Variants in ANGPT4 observed in about 807,000 individuals in gnomAD.
ANGPT4 encodes the protein angiopoietin-4.
Under a neutral mutation model 53.0 loss-of-function variants are expected in ANGPT4, and 50 were observed. The ratio of observed to expected loss-of-function variants is 0.94; its 90% confidence interval spans 0.75 to 1.20. ANGPT4 has a LOEUF of 1.20. Ranked by LOEUF, ANGPT4 falls within the 50% of genes most tolerant of loss-of-function variation. The pLI is 0.00. For synonymous variants in ANGPT4, 251 were observed against 259.7 expected, an observed-to-expected ratio of 0.97 and a Z score of 0.32; for missense variants, 648 against 637.1, an observed-to-expected ratio of 1.02 and a Z score of -0.18.
chr20:891,564 C>G (rs575141137), intron 1 of ANGPT4, among the ~76,000 whole-genome samples: 1 of 152,222 alleles, frequency 6.6e-6, no homozygotes, highest in Non-Finnish European at 1.5e-5. Flanking sequence ...CCATGCCCCC[C>G]ACCCCTGTCC....
At chr20:895,547 A>G (rs1264468071) in intron 1 of ANGPT4, among the ~76,000 whole-genome samples, 1 of 152,150 alleles carries the variant, frequency 6.6e-6, no homozygotes, top group East Asian at 1.9e-4. Flanking sequence ...AAATTTTCAC[A>G]GGCAGGGGCT....
intron 7 of ANGPT4, among the ~76,000 whole-genome samples, chr20:875,738 T>C (rs753216410): frequency 1.3e-5 from 2 of 152,190 alleles, no homozygotes; most frequent in Non-Finnish European, 2.9e-5. Context: ...GGCAGATGGC[T>C]GGGCCTGGTT....
At chr20:880,445 G>T (rs749450951) in intron 5 of ANGPT4, among the ~76,000 whole-genome samples, 6 of 152,110 alleles carry the variant, frequency 3.9e-5, no homozygotes, top group Non-Finnish European at 7.3e-5. Flanking sequence ...ATATTAGCCA[G>T]GCCATGGTGG....
rs1230184668 is a variant in ANGPT4 at position 890,247 on chromosome 20, G to A, written c.431C>T (p.Ala144Val). The A allele has an allele frequency of 1.9e-6, 3 of 1,613,964 alleles. No homozygotes were observed. The highest frequency in any genetic ancestry group is 2.5e-6 in the Non-Finnish European group (3 of 1,179,988). ...CATGTCGGTCAGCTTGCGGATCTGGGCAGTGGTCTGGTTCAGGAGGCTGGT... is the reference window on the plus strand; with the variant it reads ...CATGTCGGTCAGCTTGCGGATCTGGACAGTGGTCTGGTTCAGGAGGCTGGT... ...LGTSLLNQTT[A>V]QIRKLTDMEA... The change falls in exon 2 of 9, where the codon GCC becomes GTC. Residue 144 changes from alanine (A) to valine (V), a missense_variant. Physicochemically the swap from Ala to Val is moderately conservative, Grantham distance 64 (BLOSUM62 0). Coordinates refer to ENST00000381922, the MANE Select transcript of ANGPT4 (RefSeq NM_015985.4).
intron 4 of ANGPT4, among the ~76,000 whole-genome samples, chr20:883,059 C>A (rs770710081): frequency 1.3e-4 from 20 of 152,218 alleles, no homozygotes; most frequent in Non-Finnish European, 2.6e-4. Flanking sequence ...TGCATGAACT[C>A]ATCCGATTCT....
In ANGPT4 at chr20:892,090, C is replaced by G. The variant is rs117594569; in HGVS notation, c.310-1722G>C. On this transcript the variant is annotated intron_variant, in intron 1 of 8. Transcript: ENST00000381922. The stretch of plus-strand genomic sequence containing the variant: ...CTTTCCCTGCATCATCAGCCCACCC[C>G]CTCCCTGCAGCACACAAACATGCGC... 2.4e-3 allele frequency among the ~76,000 whole-genome samples: 365 copies of G among 151,956 alleles called. 1 individual carries two copies. Among genetic ancestry groups the G allele is most frequent in the Non-Finnish European group, 4.1e-3 (278 of 67,980 alleles).
At chr20:882,201 A>G (rs1465923482) in intron 4 of ANGPT4, among the ~76,000 whole-genome samples, 1 of 152,100 alleles carries the variant, frequency 6.6e-6, no homozygotes, top group Non-Finnish European at 1.5e-5. Context: ...AATGACTAAA[A>G]CCTACCAGGG....
At chr20:909,646 A>G (rs748390186) in intron 1 of ANGPT4, among the ~76,000 whole-genome samples, 131 of 152,292 alleles carry the variant, frequency 8.6e-4, no homozygotes, top group Non-Finnish European at 1.7e-3. Flanking sequence ...TAACCTGCAA[A>G]GTAGCTTCTG....
chr20:881,359 G>T, intron 4 of ANGPT4, 73 bp from the exon 5 acceptor site: 1 of 1,372,084 alleles, frequency 7.3e-7, no homozygotes, highest in Non-Finnish European at 1.0e-6. Context: ...GGGCATGCCT[G>T]CCTGCTTTGT....
At chr20:903,835 G>T (rs1225307977) in intron 1 of ANGPT4, among the ~76,000 whole-genome samples, 3 of 152,164 alleles carry the variant, frequency 2.0e-5, no homozygotes, top group Non-Finnish European at 4.4e-5. Flanking sequence ...ATGCCCCAGG[G>T]GTAGGAGCCC....
At chr20:894,240 AG>A (rs1981959456) in intron 1 of ANGPT4, among the ~76,000 whole-genome samples, 1 of 152,172 alleles carries the variant, frequency 6.6e-6, no homozygotes, top group Non-Finnish European at 1.5e-5. Flanking sequence ...CCGTGTTTAA[AG>A]GTGGATGCGG....
intron 1 of ANGPT4, among the ~76,000 whole-genome samples, chr20:897,304 G>A (rs1362053999): frequency 6.6e-6 from 1 of 152,146 alleles, no homozygotes; most frequent in Non-Finnish European, 1.5e-5. Flanking sequence ...ATTCCATGAG[G>A]AGATCCACCT....
At chr20:893,228 T>A (rs1016560627) in intron 1 of ANGPT4, among the ~76,000 whole-genome samples, 1 of 152,214 alleles carries the variant, frequency 6.6e-6, no homozygotes, top group African/African-American at 2.4e-5. Context: ...ACCACAGCCA[T>A]ACTAGCAGGT....
chr20:895,124 C>T (rs1188022507), intron 1 of ANGPT4, among the ~76,000 whole-genome samples: 1 of 152,184 alleles, frequency 6.6e-6, no homozygotes, highest in Non-Finnish European at 1.5e-5. Flanking sequence ...GCTGAGGCAC[C>T]AGCTGGAAGG....
chr20:910,315 T>C (rs1982648746), intron 1 of ANGPT4, among the ~76,000 whole-genome samples: 1 of 152,226 alleles, frequency 6.6e-6, no homozygotes, highest in South Asian at 2.1e-4. Context: ...GCTCACTAAA[T>C]GAGTGCTTAC....
In ANGPT4 at chr20:908,958, C is replaced by T. The variant is rs1398158161; in HGVS notation, c.309+6948G>A. Among the ~76,000 whole-genome samples the T allele has an allele frequency of 6.6e-6, 1 of 152,098 alleles. No individual in the cohort carries two copies. The highest frequency in any genetic ancestry group is 2.4e-5 in the African/African-American group (1 of 41,416). On this transcript the variant is annotated intron_variant, in intron 1 of 8. Transcript: ENST00000381922. The surrounding 1 kb of genome is among the most constrained non-coding windows in gnomAD (Gnocchi z 4.9). ...TCTGGGCCAACTCCTGCCACCGACC[C>T]TTGGGTGAATGTGATTGAGTCACTC...
intron 1 of ANGPT4, among the ~76,000 whole-genome samples, chr20:909,151 G>A (rs1982602659): frequency 6.6e-6 from 1 of 152,070 alleles, no homozygotes; most frequent in Non-Finnish European, 1.5e-5. Flanking sequence ...GCAATAAATG[G>A]GGATCATAAC....
At chr20:907,810 G>C (rs1395280294) in intron 1 of ANGPT4, among the ~76,000 whole-genome samples, 1 of 152,150 alleles carries the variant, frequency 6.6e-6, no homozygotes, top group Non-Finnish European at 1.5e-5. Flanking sequence ...ATAGGGCAAA[G>C]TATGTTCTAG....
intron 5 of ANGPT4, among the ~76,000 whole-genome samples, chr20:880,690 C>T (rs1353865665): frequency 6.6e-6 from 1 of 152,196 alleles, no homozygotes; most frequent in Non-Finnish European, 1.5e-5. Context: ...TCTCTGTCAC[C>T]CTTCTTATCG....
Sources: allele counts gnomAD v4.1 joint callset (sites outside exome capture counted in the v4.1 genomes callset), GRCh38; gene constraint gnomAD v4.1.1; non-coding constraint Gnocchi (gnomAD v3.1); transcripts MANE v1.5; gene names NCBI Gene and HGNC (gene_info 2026-07-23, HGNC 2026-07-21).